DOCK9: variants seen among roughly 807,000 people sequenced by gnomAD.
DOCK9 encodes the protein dedicator of cytokinesis 9, also known as dedicator of cytokinesis protein 9.
In DOCK9, 89 loss-of-function variants were observed where a neutral mutation model predicts 263.3. The observed-to-expected ratio is 0.34, with a 90% CI of 0.28 to 0.40. The LOEUF is 0.40. Ranked by LOEUF, DOCK9 falls within the 10% of genes least tolerant of loss-of-function variation. The pLI is 1.00. For missense variants in DOCK9, 2,140 were observed against 2,603.4 expected (o/e 0.82, Z 3.87); for synonymous variants, 976 against 973.1 (o/e 1.00, Z -0.06).
chr13:98,910,493 G>A (rs1261835890), intron 9 of DOCK9, among the ~76,000 whole-genome samples: 5 of 152,096 alleles, frequency 3.3e-5, no homozygotes, highest in African/African-American at 9.7e-5. Flanking sequence ...GAAAACCTGG[G>A]TTTACATCAC....
chr13:98,929,356 A>G lies in DOCK9; in HGVS notation c.333+812T>C, dbSNP rs533915739. 1.1e-3 allele frequency among the ~76,000 whole-genome samples: 161 copies of G among 152,274 alleles called. 5 individuals carry two copies. The South Asian group carries it at 0.033, about 31-fold the overall frequency. On this transcript the variant is annotated intron_variant, in intron 3 of 52. Transcript: ENST00000682017. ...TCAGGAGTCTGAGACCAGCCTGACTAACAGGCTGAAACCCTGTCCCTACTA... is the reference window on the plus strand; with the variant it reads ...TCAGGAGTCTGAGACCAGCCTGACTGACAGGCTGAAACCCTGTCCCTACTA...
At position 98,960,120 on chromosome 13, in the gene DOCK9, G is replaced by A. The variant is rs576404481; in HGVS notation, c.127-4569C>T. Among the ~76,000 whole-genome samples the A allele has an allele frequency of 3.9e-5, 6 of 152,284 alleles. No homozygotes were observed. In the South Asian group the frequency reaches 6.2e-4, roughly 16 times the overall value. Reference sequence around the variant, plus strand: ...CCTGGCACAGATCTGGCACACAGCCGTGGTTTTAAAGCTATCGCAACATGC... The same window carrying A: ...CCTGGCACAGATCTGGCACACAGCCATGGTTTTAAAGCTATCGCAACATGC... On this transcript the variant is annotated intron_variant, in intron 1 of 52. Coordinates refer to ENST00000682017, the MANE Select transcript of DOCK9 (RefSeq NM_001366683.2).
At chr13:98,814,758 G>A (rs1251139327) in intron 45 of DOCK9, among the ~76,000 whole-genome samples, 2 of 151,902 alleles carry the variant, frequency 1.3e-5, no homozygotes, top group African/African-American at 4.8e-5. Context: ...CAGCAACATA[G>A]TGAAACCCCA....
rs1231195039 is a variant in DOCK9 at position 98,797,439 on chromosome 13, G to A, written c.5967C>T (p.Asn1989=). The A allele has an allele frequency of 6.2e-7, 1 of 1,613,576 alleles. No homozygotes were observed. Among genetic ancestry groups the A allele is most frequent in the Non-Finnish European group, 8.5e-7 (1 of 1,179,730 alleles). ...CTTTATTGTCAGGATATCGCTTTGTGTTTGTATCATCTAAGAAAGCTCGCG... is the reference window on the plus strand; with the variant it reads ...CTTTATTGTCAGGATATCGCTTTGTATTTGTATCATCTAAGAAAGCTCGCG... The part of the protein sequence containing the change: ...AYARAFLDDT[N]TKRYPDNKVK... The change falls in exon 51 of 53, where the codon AAC becomes AAT. Residue 1989 remains asparagine, a synonymous_variant. Coordinates refer to ENST00000682017, the MANE Select transcript of DOCK9 (RefSeq NM_001366683.2).
chr13:98,833,045 TCA>T (rs1356192874), intron 39 of DOCK9: 1 of 152,160 alleles, frequency 6.6e-6, no homozygotes, highest in Admixed American at 6.5e-5. Flanking sequence ...CACCTGGAAT[TCA>T]CAGTGATCTT....
intron 21 of DOCK9, 101 bp downstream of exon 21, chr13:98,884,870 A>G (rs1594955513): frequency 1.5e-6 from 2 of 1,354,592 alleles, no homozygotes; most frequent in East Asian, 2.5e-5. Context: ...ATGGTGGAAG[A>G]GCAAAAATAC....
chr13:98,999,290 GCACA>G lies in DOCK9; in HGVS notation c.130-43743_130-43740del, dbSNP rs1217981239. Among the ~76,000 whole-genome samples, 353 of 145,846 alleles carry G rather than the reference GCACA, an allele frequency of 2.4e-3. 3 individuals are homozygous for G. The highest frequency in any genetic ancestry group is 5.6e-3 in the Admixed American group (83 of 14,760). On this transcript the variant is annotated intron_variant, in intron 1 of 32. Coordinates refer to the DOCK9 transcript ENST00000427887. Reference sequence around the variant, plus strand: ...AACAGATGTGTGCACGCATGCACGCGCACACACACACACACACACACACACACTC... The same window carrying G: ...AACAGATGTGTGCACGCATGCACGCGCACACACACACACACACACACACTC...
chr13:98,894,700 ATATGATAATATAGTATG>A (rs1398733478), intron 15 of DOCK9, among the ~76,000 whole-genome samples: 17 of 152,018 alleles, frequency 1.1e-4, no homozygotes, highest in African/African-American at 3.9e-4. Context: ...AATAATTACT[ATATGATAATATAGTATG>A]TATGATAATA....
At chr13:98,981,513 A>C (rs1482267794), upstream of DOCK9, among the ~76,000 whole-genome samples, 7 of 152,208 alleles carry the variant, frequency 4.6e-5, no homozygotes, top group Admixed American at 4.6e-4. Flanking sequence ...CAATATACTG[A>C]AATCCAAGAT....
intron 30 of DOCK9, chr13:98,867,105 G>A: frequency 2.2e-6 from 1 of 462,710 alleles, no homozygotes; most frequent in Admixed American, 2.5e-5. Context: ...TGAAAGAAAA[G>A]CTAATTCATA....
chr13:99,037,010 A>T (rs1229517114), intron 1 of DOCK9, among the ~76,000 whole-genome samples: 3 of 152,322 alleles, frequency 2.0e-5, no homozygotes, highest in South Asian at 2.1e-4. Context: ...GCCCTCATAG[A>T]GCTCAGACTC....
At chr13:98,820,125 TACA>T (rs1490524693) in intron 45 of DOCK9, among the ~76,000 whole-genome samples, 1 of 152,246 alleles carries the variant, frequency 6.6e-6, no homozygotes, top group African/African-American at 2.4e-5. Flanking sequence ...AGCCTCTGGT[TACA>T]ACATTTTCAT....
chr13:98,904,062 CAAT>C (rs2048734093), intron 10 of DOCK9, among the ~76,000 whole-genome samples: 1 of 152,234 alleles, frequency 6.6e-6, no homozygotes, highest in South Asian at 2.1e-4. Flanking sequence ...GGTTGTACAA[CAAT>C]GAGAATGTAT....
chr13:98,902,533 C>G (rs375973007), intron 11 of DOCK9, 42 bp from the exon 12 acceptor site: 6 of 1,577,460 alleles, frequency 3.8e-6, no homozygotes, highest in Non-Finnish European at 5.2e-6. Context: ...ATGGCTCAAA[C>G]AGGGACAAAA....
chr13:98,889,642 A>G (rs754401421), intron 15 of DOCK9, among the ~76,000 whole-genome samples: 1 of 152,208 alleles, frequency 6.6e-6, no homozygotes, highest in Admixed American at 6.5e-5. Flanking sequence ...TCTTGCTCAT[A>G]GCATAGTGAA....
At chr13:98,950,773 A>G (rs2057318308) in intron 2 of DOCK9, among the ~76,000 whole-genome samples, 1 of 152,234 alleles carries the variant, frequency 6.6e-6, no homozygotes, top group African/African-American at 2.4e-5. Flanking sequence ...CACAAGCATA[A>G]GTAAGCTGTG....
chr13:98,868,087 T>G, intron 28 of DOCK9, 76 bp from the exon 29 acceptor site: 1 of 1,544,454 alleles, frequency 6.5e-7, no homozygotes, highest in Non-Finnish European at 8.9e-7. Flanking sequence ...CAGCATTTAT[T>G]GCTAATAAGT....
intron 2 of DOCK9, among the ~76,000 whole-genome samples, chr13:98,947,272 C>A (rs959231263): frequency 1.2e-4 from 18 of 152,122 alleles, no homozygotes; most frequent in African/African-American, 4.3e-4. Flanking sequence ...CTTTATGATT[C>A]CAAGCACCTC....
intron 1 of DOCK9, among the ~76,000 whole-genome samples, chr13:98,987,828 T>C (rs1271083809): frequency 6.6e-6 from 1 of 152,256 alleles, no homozygotes; most frequent in African/African-American, 2.4e-5. Context: ...TTTTTAAGTT[T>C]TGTTTCAAAC....
Sources: allele counts gnomAD v4.1 joint callset (sites outside exome capture counted in the v4.1 genomes callset), GRCh38; gene constraint gnomAD v4.1.1; transcripts MANE v1.5; gene names NCBI Gene and HGNC (gene_info 2026-07-23, HGNC 2026-07-21).